The following ACER3 variants were observed in gnomAD, a reference collection of about 807,000 sequenced individuals.
ACER3 encodes the protein alkCDase 3.
In ACER3, 16 loss-of-function variants were observed where a neutral mutation model predicts 48.9. The ratio of observed to expected loss-of-function variants is 0.33; its 90% confidence interval spans 0.22 to 0.50. The LOEUF (loss-of-function observed/expected upper bound fraction) is 0.50, where lower values mean the gene tolerates loss of function less well. Among genes scored for constraint, ACER3 ranks in the 20% least tolerant of loss-of-function variants. The pLI is 0.98. For missense variants in ACER3, 227 were observed against 326.0 expected (o/e 0.70, Z 2.34); for synonymous variants, 109 against 107.8 (o/e 1.01, Z -0.07).
chr11:77,001,753 A>G lies in ACER3; in HGVS notation c.497+2932A>G, dbSNP rs77847590. 7.5e-3 allele frequency among the ~76,000 whole-genome samples: 1,139 copies of G among 152,290 alleles called. 7 individuals are homozygous for G. The highest frequency in any genetic ancestry group is 0.026 in the African/African-American group (1,072 of 41,568). On this transcript the variant is annotated intron_variant, in intron 7 of 10. Coordinates refer to ENST00000532485, the MANE Select transcript of ACER3 (RefSeq NM_018367.7). ...AAAAGCATTTAACCTTTCATCATTA[A>G]GTTAAATGTTAGCTGTAAGTTTTTT... is the stretch of plus-strand genomic sequence containing the variant.
At chr11:76,978,313 AT>A (rs998637634) in intron 4 of ACER3, 5 of 152,130 alleles carry the variant, frequency 3.3e-5, no homozygotes, top group African/African-American at 1.2e-4. Flanking sequence ...ATGGCTGCCC[AT>A]TGATCAATCA....
intron 3 of ACER3, among the ~76,000 whole-genome samples, chr11:76,970,535 CAT>C (rs773492910): frequency 1.3e-4 from 19 of 151,988 alleles, no homozygotes; most frequent in South Asian, 6.2e-4. Context: ...ATACAATGTA[CAT>C]GTGTGTGTGT....
intron 9 of ACER3, among the ~76,000 whole-genome samples, chr11:77,018,715 C>T (rs782107512): frequency 6.6e-6 from 1 of 152,200 alleles, no homozygotes; most frequent in Admixed American, 6.5e-5. Flanking sequence ...GATAAAAGAT[C>T]AGACCAACCA....
At chr11:76,963,274 A>G (rs1460070176) in intron 3 of ACER3, among the ~76,000 whole-genome samples, 1 of 150,072 alleles carries the variant, frequency 6.7e-6, no homozygotes, top group Admixed American at 6.6e-5. Context: ...CTTTATGCTT[A>G]CCTAGAGACA....
intron 6 of ACER3, among the ~76,000 whole-genome samples, chr11:76,997,275 T>C (rs1397464099): frequency 6.6e-6 from 1 of 152,250 alleles, no homozygotes; most frequent in Non-Finnish European, 1.5e-5. Context: ...TTCTACTGTG[T>C]AAGTCTGGAT....
intron 1 of ACER3, among the ~76,000 whole-genome samples, chr11:76,872,754 G>A (rs1313321962): frequency 2.6e-5 from 4 of 152,116 alleles, no homozygotes; most frequent in Non-Finnish European, 5.9e-5. Flanking sequence ...CATCTATGAA[G>A]TGCTTTACAA....
rs1022834822 is a variant in ACER3, at chr11:76,964,849, C to A, written c.267+5818C>A. ...ATCAAAGACCAAAGGTAGATAAAAC[C>A]ATGAAGATGGGAAAAAACAGAGCAG... On this transcript the variant is annotated intron_variant, in intron 3 of 10. Coordinates refer to ENST00000532485, the MANE Select transcript of ACER3 (RefSeq NM_018367.7). Among the ~76,000 whole-genome samples the A allele has an allele frequency of 3.3e-5, 5 of 151,074 alleles. 1 individual carries two copies. The highest frequency in any genetic ancestry group is 1.2e-4 in the African/African-American group (5 of 40,458).
At chr11:76,876,481 G>A (rs898710537) in intron 1 of ACER3, among the ~76,000 whole-genome samples, 1 of 152,160 alleles carries the variant, frequency 6.6e-6, no homozygotes, top group Non-Finnish European at 1.5e-5. Flanking sequence ...GCTGTTTTTA[G>A]GTGTGGACAA....
At chr11:76,923,588 G>A (rs765111568) in intron 1 of ACER3, among the ~76,000 whole-genome samples, 18 of 152,058 alleles carry the variant, frequency 1.2e-4, no homozygotes, top group Non-Finnish European at 1.9e-4. Flanking sequence ...AATAACTTTT[G>A]TATTAGTATA....
At chr11:76,899,992 ATTC>A (rs1425305546) in intron 1 of ACER3, among the ~76,000 whole-genome samples, 2 of 152,212 alleles carry the variant, frequency 1.3e-5, no homozygotes, top group South Asian at 2.1e-4. Context: ...TATATACTAT[ATTC>A]TTCTTATAAT....
chr11:77,025,392 T>A lies in ACER3; in HGVS notation c.*5065T>A, dbSNP rs1227511797. On this transcript the variant is annotated 3_prime_UTR_variant, in exon 11 of 11. Coordinates refer to ENST00000532485, the MANE Select transcript of ACER3 (RefSeq NM_018367.7). ...TGGTTATTTTATTTTATTTTATTCT[T>A]TATATATATATATATATATTTATTT... 5.2e-5 allele frequency: 7 copies of A among 135,846 alleles called. 1 individual carries two copies. The highest frequency in any genetic ancestry group is 2.2e-4 in the African/African-American group (7 of 32,246). 8.4% of individuals were successfully genotyped at this position (135,846 alleles called of 1,614,324 possible).
rs57093609 is a variant in ACER3, at chr11:76,924,973, C to CAAAAAAAA, written c.104-1571_104-1564dup. Among the ~76,000 whole-genome samples, 398 of 78,496 alleles carry CAAAAAAAA rather than the reference C, an allele frequency of 5.1e-3. 17 individuals carry two copies. In the East Asian group the frequency reaches 0.067, roughly 13 times the overall value. The allele number at this position is 78,496 out of a possible 152,430, so 51.5% of individuals were successfully genotyped here. ...CCTGGGCAACAGAGGAAGACTCTGT[C>CAAAAAAAA]AAAAAAAAAAAAAAAAAAAACACCA... On this transcript the variant is annotated intron_variant, in intron 1 of 10. Transcript: ENST00000532485.
At chr11:76,953,392 A>G (rs1455972666) in intron 2 of ACER3, among the ~76,000 whole-genome samples, 1 of 152,128 alleles carries the variant, frequency 6.6e-6, no homozygotes, top group Non-Finnish European at 1.5e-5. Context: ...TGAGGTCAGG[A>G]GTTGAGACCA....
At chr11:76,880,960 T>A (rs1232549587) in intron 1 of ACER3, among the ~76,000 whole-genome samples, 1 of 152,026 alleles carries the variant, frequency 6.6e-6, no homozygotes, top group Admixed American at 6.6e-5. Flanking sequence ...AGTGCCCTTG[T>A]AAGAAGATGC....
At chr11:76,981,444 T>G (rs1247491839) in intron 4 of ACER3, among the ~76,000 whole-genome samples, 1 of 152,208 alleles carries the variant, frequency 6.6e-6, no homozygotes, top group East Asian at 1.9e-4. Flanking sequence ...TTTTGACAAA[T>G]GTATACTCCT....
chr11:76,982,218 C>CT (rs142556459), intron 4 of ACER3, among the ~76,000 whole-genome samples: 3,465 of 135,154 alleles, frequency 0.026, 134 homozygotes, highest in African/African-American at 0.077. Context: ...AACCTTTTTC[C>CT]TTTTTTTTTT....
At chr11:76,914,978 A>G (rs927710232) in intron 1 of ACER3, among the ~76,000 whole-genome samples, 9 of 152,170 alleles carry the variant, frequency 5.9e-5, no homozygotes, top group East Asian at 5.8e-4. Context: ...GTTCTCACTC[A>G]TAGGTGGGAA....
chr11:76,882,065 C>T (rs1306022516), intron 1 of ACER3, among the ~76,000 whole-genome samples: 3 of 145,198 alleles, frequency 2.1e-5, no homozygotes, highest in Non-Finnish European at 3.0e-5. Context: ...AGTGCAGTGG[C>T]GCGATCTTGG....
At chr11:76,986,292 CAT>C (rs1273565169) in intron 5 of ACER3, among the ~76,000 whole-genome samples, 1 of 152,120 alleles carries the variant, frequency 6.6e-6, no homozygotes, top group African/African-American at 2.4e-5. Flanking sequence ...AGATTTTAGA[CAT>C]GTACACAAAG....
Sources: allele counts gnomAD v4.1 joint callset (sites outside exome capture counted in the v4.1 genomes callset), GRCh38; gene constraint gnomAD v4.1.1; transcripts MANE v1.5; gene names NCBI Gene and HGNC (gene_info 2026-07-23, HGNC 2026-07-21).